Variants in NBR1 observed in about 807,000 individuals in gnomAD.
NBR1 encodes the protein NBR1 autophagy cargo receptor.
NBR1 carries 59 observed loss-of-function variants against 115.5 expected under a neutral mutation model. The observed-to-expected ratio is 0.51, with a 90% confidence interval of 0.41 to 0.63. The LOEUF is 0.63. NBR1 is among the 30% of genes least tolerant of loss of function. The pLI, the probability that NBR1 is intolerant of heterozygous loss-of-function variation, is 0.00. For synonymous variants in NBR1, 373 were observed against 414.7 expected (o/e 0.90, Z 1.22); for missense variants, 1,043 against 1,150.5 (o/e 0.91, Z 1.35).
chr17:43,207,763 T>G (rs2057344432), intron 20 of NBR1, among the ~76,000 whole-genome samples: 1 of 152,212 alleles, frequency 6.6e-6, no homozygotes. Flanking sequence ...CAAAAAAGTT[T>G]GTACGTGTTC....
intron 2 of NBR1, 168 bp downstream of exon 2, chr17:43,176,069 T>G (rs1267235640): frequency 2.0e-6 from 1 of 505,762 alleles, no homozygotes; most frequent in Non-Finnish European, 3.6e-6. Flanking sequence ...ATATATGAGA[T>G]GTGCCCCAAT....
Position 43,203,790 on chromosome 17 carries a change from A to AGT in NBR1, c.2727+13_2727+14dup. The AGT allele has an allele frequency of 6.4e-7, 1 of 1,550,762 alleles. No individual in the cohort carries two copies. Among genetic ancestry groups the AGT allele is most frequent in the Non-Finnish European group, 8.8e-7 (1 of 1,138,282 alleles). The stretch of plus-strand genomic sequence containing the variant: ...TGGGCCACCAGTCACTGCACAGGTC[A>AGT]GTGTGTGTGTTTTATTTTCCTGAAT... On this transcript the variant is annotated splice_donor_region_variant and intron_variant, in intron 20 of 20. Coordinates refer to ENST00000590996, the MANE Select transcript of NBR1 (RefSeq NM_005899.5).
At chr17:43,180,081 A>AAT (rs2056625144) in intron 4 of NBR1, among the ~76,000 whole-genome samples, 1 of 152,228 alleles carries the variant, frequency 6.6e-6, no homozygotes, top group Non-Finnish European at 1.5e-5. Context: ...GAATTCTTTA[A>AAT]AGTCAGGATT....
At chr17:43,191,841 C>T (rs1004685974) in intron 10 of NBR1, among the ~76,000 whole-genome samples, 2 of 152,106 alleles carry the variant, frequency 1.3e-5, no homozygotes, top group African/African-American at 4.8e-5. Context: ...CTGCCTCAGC[C>T]TCCTGAGTAG....
At chr17:43,202,522 T>TA (rs200806201) in intron 18 of NBR1, 133 bp from the exon 19 acceptor site, 6,552 of 532,918 alleles carry the variant, frequency 0.012, 9 homozygotes, top group South Asian at 0.029. Context: ...CCCAAATACT[T>TA]TAAAAAAAAA....
At position 43,202,717 on chromosome 17, in the gene NBR1, C is replaced by A. The variant is rs1326825094; in HGVS notation, c.2621+5C>A. 1 of 1,564,144 alleles carries A rather than the reference C, an allele frequency of 6.4e-7. No individual in the cohort carries two copies. Among genetic ancestry groups the A allele is most frequent in the Non-Finnish European group, 8.7e-7 (1 of 1,152,170 alleles). The stretch of plus-strand genomic sequence containing the variant: ...GAAGAGCTATGACCACTCAAGGTAA[C>A]AACCTTGTGCAGTCTCTTTTTTCAG... On this transcript the variant is annotated splice_donor_5th_base_variant and intron_variant, in intron 19 of 20. Coordinates refer to ENST00000590996, the MANE Select transcript of NBR1 (RefSeq NM_005899.5).
intron 3 of NBR1, among the ~76,000 whole-genome samples, chr17:43,179,012 G>A (rs1437167279): frequency 6.6e-6 from 1 of 152,076 alleles, no homozygotes; most frequent in Non-Finnish European, 1.5e-5. Flanking sequence ...TGTCAGACTA[G>A]CCACAGTACC....
intron 5 of NBR1, among the ~76,000 whole-genome samples, chr17:43,182,784 GACGGAGTCT>G (rs2056705434): frequency 6.7e-6 from 1 of 149,298 alleles, no homozygotes; most frequent in Non-Finnish European, 1.5e-5. Context: ...TTTTTTTTGC[GACGGAGTCT>G]CGCCCTGTTG....
chr17:43,208,295 G>A (rs1291518071), intron 20 of NBR1, among the ~76,000 whole-genome samples: 1 of 152,196 alleles, frequency 6.6e-6, no homozygotes, highest in African/African-American at 2.4e-5. Context: ...TAATGATAAA[G>A]ATGAGAAGAC....
intron 5 of NBR1, among the ~76,000 whole-genome samples, chr17:43,181,308 T>C (rs764609028): frequency 8.5e-5 from 13 of 152,184 alleles, no homozygotes; most frequent in Non-Finnish European, 1.8e-4. Context: ...CAATTCATAA[T>C]AAAAAGGTCC....
intron 1 of NBR1, among the ~76,000 whole-genome samples, chr17:43,175,109 T>A (rs2056475947): frequency 6.6e-6 from 1 of 151,806 alleles, no homozygotes; most frequent in Non-Finnish European, 1.5e-5. Context: ...CAAAAATAAA[T>A]AAATAAATAA....
Position 43,210,180 on chromosome 17 carries a change from G to T in NBR1, c.*106G>T. On this transcript the variant is annotated 3_prime_UTR_variant, in exon 21 of 21. Coordinates refer to ENST00000590996, the MANE Select transcript of NBR1 (RefSeq NM_005899.5). ...TGCTTATTTTTAATCTGATGAATCTGTATAGAGCCCATCGTTGAGTTACCA... is the reference window on the plus strand; with the variant it reads ...TGCTTATTTTTAATCTGATGAATCTTTATAGAGCCCATCGTTGAGTTACCA... 5 of 1,054,952 alleles carry T rather than the reference G, an allele frequency of 4.7e-6. No homozygotes were observed. Among genetic ancestry groups the T allele is most frequent in the Non-Finnish European group, 6.5e-6 (5 of 770,452 alleles). 65.3% of individuals were successfully genotyped at this position (1,054,952 alleles called of 1,614,324 possible).
In NBR1 at chr17:43,210,166, A is replaced by T. The variant is rs1310971637; in HGVS notation, c.*92A>T. 1 of 1,233,946 alleles carries T rather than the reference A, an allele frequency of 8.1e-7. No homozygotes were observed. The allele number at this position is 1,233,946 out of a possible 1,614,324, so 76.4% of individuals were successfully genotyped here. A position where few individuals can be genotyped will look rare whatever the true frequency, so the allele number is the denominator to read the frequency against. On this transcript the variant is annotated 3_prime_UTR_variant, in exon 21 of 21. Transcript: ENST00000590996. ...GGGATAGAAGCCCTTGCTTATTTTTAATCTGATGAATCTGTATAGAGCCCA... is the reference window on the plus strand; with the variant it reads ...GGGATAGAAGCCCTTGCTTATTTTTTATCTGATGAATCTGTATAGAGCCCA...
chr17:43,180,283 C>T (rs1452484606), intron 4 of NBR1, among the ~76,000 whole-genome samples: 1 of 152,152 alleles, frequency 6.6e-6, no homozygotes, highest in Non-Finnish European at 1.5e-5. Context: ...GCCTAGTACA[C>T]ACCTAGGATA....
At chr17:43,201,600 G>T in intron 17 of NBR1, 86 bp from the exon 18 acceptor site, 3 of 757,928 alleles carry the variant, frequency 4.0e-6, no homozygotes, top group Non-Finnish European at 4.7e-6. Context: ...TAGAGAATTT[G>T]GCACTGCTGT....
In NBR1 at chr17:43,182,814, A is replaced by C. The variant is rs2056706187; in HGVS notation, c.207+1997A>C. 2.0e-5 allele frequency among the ~76,000 whole-genome samples: 3 copies of C among 150,820 alleles called. 1 individual carries two copies. The South Asian group carries it at 6.2e-4, about 31-fold the overall frequency. ...AGTCTCGCCCTGTTGCTCATGCTGG[A>C]GTACAGTGGTGCGATCTTGGCTACC... On this transcript the variant is annotated intron_variant, in intron 5 of 20. Coordinates refer to ENST00000590996, the MANE Select transcript of NBR1 (RefSeq NM_005899.5).
At chr17:43,182,701 T>A (rs1177281445) in intron 5 of NBR1, among the ~76,000 whole-genome samples, 1 of 151,840 alleles carries the variant, frequency 6.6e-6, no homozygotes, top group Non-Finnish European at 1.5e-5. Flanking sequence ...CATTGTGAAA[T>A]GATTACCACA....
chr17:43,203,891 T>C (rs1177848741), intron 20 of NBR1, 105 bp downstream of exon 20: 26 of 620,436 alleles, frequency 4.2e-5, no homozygotes, highest in East Asian at 8.7e-5. Flanking sequence ...GGAAAGGGCA[T>C]AGGCTTTAGA....
chr17:43,189,431 T>C (rs190851542), intron 7 of NBR1, among the ~76,000 whole-genome samples, 157 bp from the exon 8 acceptor site: 71 of 152,360 alleles, frequency 4.7e-4, no homozygotes, highest in African/African-American at 1.7e-3. Context: ...GTGGAAGGAA[T>C]AGACCTTTTG....
Sources: allele counts gnomAD v4.1 joint callset (sites outside exome capture counted in the v4.1 genomes callset), GRCh38; gene constraint gnomAD v4.1.1; transcripts MANE v1.5; gene names NCBI Gene and HGNC (gene_info 2026-07-23, HGNC 2026-07-21).